RASSF7: variants seen among roughly 807,000 people sequenced by gnomAD.
RASSF7 encodes Ras association domain family member 7.
Under a neutral mutation model 33.8 loss-of-function variants are expected in RASSF7, and 41 were observed. That is an observed-to-expected ratio of 1.21 (90% CI 0.95 to 1.57). RASSF7 has a LOEUF of 1.57. Among genes scored for constraint, RASSF7 ranks in the 40% most tolerant of loss-of-function variants. The pLI, the probability that RASSF7 is intolerant of heterozygous loss-of-function variation, is 0.00. For synonymous variants in RASSF7, 298 were observed against 212.8 expected, an observed-to-expected ratio of 1.40 and a Z score of -3.48; for missense variants, 622 against 497.0, an observed-to-expected ratio of 1.25 and a Z score of -2.39.
In RASSF7 at chr11:563,990, C is replaced by T. The variant is rs1053306811; in HGVS notation, c.*345C>T. 1.4e-4 allele frequency: 52 copies of T among 372,886 alleles called. No homozygotes were observed. The highest frequency in any genetic ancestry group is 2.3e-4 in the Non-Finnish European group (48 of 205,480). The allele number at this position is 372,886 out of a possible 1,614,324, so 23.1% of individuals were successfully genotyped here. A position where few individuals can be genotyped will look rare whatever the true frequency, so the allele number is the denominator to read the frequency against. ...GTGTGTGCCACTTCCCCTACCCCAA[C>T]GTGAAAACCTCAATAAACTGCCCGA... On this transcript the variant is annotated 3_prime_UTR_variant, in exon 6 of 6. Coordinates refer to ENST00000397583, the MANE Select transcript of RASSF7 (RefSeq NM_003475.4).
intron 1 of RASSF7, 122 bp from the exon 2 acceptor site, chr11:561,640 G>A: frequency 6.8e-7 from 1 of 1,470,260 alleles, no homozygotes; most frequent in South Asian, 1.3e-5. Context: ...AGGAGGGTGG[G>A]GCCCGTGCGG....
In RASSF7 at chr11:563,590, C is replaced by T. The variant is rs374791179; in HGVS notation, c.1067C>T (p.Ala356Val). ...CATGACGCAGAACTCCTGGAGGTAG[C>T]AGCAGCTCCTGCCCCAGAGTGGTGT... The part of the protein sequence containing the change: ...GPHDAELLEV[A>V]AAPAPEWCPL... Residue 356 changes from alanine to valine, a missense_variant, in exon 6 of 6, where the codon GCA becomes GTA. Physicochemically the swap from Ala to Val is moderately conservative, Grantham distance 64. Transcript: ENST00000397583. 3.1e-6 allele frequency: 5 copies of T among 1,612,014 alleles called. No homozygotes were observed. Among genetic ancestry groups the T allele is most frequent in the Middle Eastern group, 1.7e-4 (1 of 6,024 alleles).
At position 561,817 on chromosome 11, in the gene RASSF7, A is replaced by G. The variant is rs1271105840; in HGVS notation, c.49A>G (p.Ile17Val). The G allele has an allele frequency of 1.9e-6, 3 of 1,613,244 alleles. No homozygotes were observed. The highest frequency in any genetic ancestry group is 2.5e-6 in the Non-Finnish European group (3 of 1,180,004). ...AMELKVWVDG[I>V]QRVVCGVSEQ... ...GGAGCTGAAGGTGTGGGTGGATGGC[A>G]TCCAGCGTGTGGTCTGTGGGGTCTC... Residue 17 changes from isoleucine to valine, a missense_variant, in exon 2 of 6, where the codon ATC becomes GTC. Physicochemically the swap from Ile to Val is conservative, Grantham distance 29. Coordinates refer to ENST00000397583, the MANE Select transcript of RASSF7 (RefSeq NM_003475.4).
At chr11:561,931 G>C in intron 2 of RASSF7, 39 bp downstream of exon 2, 1 of 1,610,382 alleles carries the variant, frequency 6.2e-7, no homozygotes, top group Non-Finnish European at 8.5e-7. Flanking sequence ...GGCAGGTAGA[G>C]CTGAAGTGGG....
rs778834546 is a variant in RASSF7 at position 563,685 on chromosome 11, CAGA to C, written c.*43_*45del. On this transcript the variant is annotated 3_prime_UTR_variant, in exon 6 of 6. Transcript: ENST00000397583. ...CTGCAAGACCATCCTGCCCGGACCA[CAGA>C]AGGAGAGTTGGCGGTCACAGAGGGC... 1.1e-4 allele frequency: 163 copies of C among 1,548,528 alleles called. No homozygotes were observed. The Middle Eastern group carries it at 1.2e-3, about 12-fold the overall frequency.
Position 561,891 on chromosome 11 carries a change from A to G in RASSF7, c.123A>G (p.Ile41Met). Residue 41 changes from isoleucine (I) to methionine (M), a missense_variant and splice_region_variant, in exon 2 of 6, where the codon ATA (isoleucine) becomes ATG (methionine). Ile to Met is a conservative substitution (Grantham distance 10). Transcript: ENST00000397583. ...TGGTCATCGCACTAGCCCAAGCAAT[A>G]GGTGAGTCCTCTCGGGGTCAGGCAG... Reference protein sequence around the residue: ...QEVVIALAQAIGQTGRFVLVQ... With the variant: ...QEVVIALAQAMGQTGRFVLVQ... 1 of 1,613,414 alleles carries G rather than the reference A, an allele frequency of 6.2e-7. No homozygotes were observed.
In RASSF7 at chr11:561,043, G is replaced by C. The variant is rs1853267246; in HGVS notation, c.-442G>C. On this transcript the variant is annotated 5_prime_UTR_variant, in exon 1 of 6. Coordinates refer to ENST00000397583, the MANE Select transcript of RASSF7 (RefSeq NM_003475.4). ...GCTGGCGAGCGCCCAGGTGAGCCGC[G>C]CCGGGTCCCCGGTACTTGGGAGCGC... 3.0e-6 allele frequency: 3 copies of C among 997,100 alleles called. No individual in the cohort carries two copies. The highest frequency in any genetic ancestry group is 3.5e-5 in the African/African-American group (2 of 57,564). The allele number at this position is 997,100 out of a possible 1,614,324, so 61.8% of individuals were successfully genotyped here.
Position 562,092 on chromosome 11 carries a change from C to G in RASSF7, c.138C>G (p.Arg46=). The G allele has an allele frequency of 6.6e-7, 1 of 1,522,510 alleles. No homozygotes were observed. The highest frequency in any genetic ancestry group is 8.8e-7 in the Non-Finnish European group (1 of 1,134,428). The allele number at this position is 1,522,510 out of a possible 1,614,324, so 94.3% of individuals were successfully genotyped here. The change falls in exon 3 of 6, where the codon CGC becomes CGG. Residue 46 remains arginine, a synonymous_variant. Coordinates refer to ENST00000397583, the MANE Select transcript of RASSF7 (RefSeq NM_003475.4). ...ALAQAIGQTG[R]FVLVQRLREK... ...TCTTCTTCCCAGGCCAGACTGGCCGCTTTGTGCTTGTGCAGCGGCTTCGGG... is the reference window on the plus strand; with the variant it reads ...TCTTCTTCCCAGGCCAGACTGGCCGGTTTGTGCTTGTGCAGCGGCTTCGGG...
In RASSF7 at chr11:563,791, C is replaced by T. The variant is rs1191472421; in HGVS notation, c.*146C>T. 1.8e-5 allele frequency: 13 copies of T among 741,172 alleles called. No homozygotes were observed. Among genetic ancestry groups the T allele is most frequent in the Non-Finnish European group, 2.6e-5 (12 of 464,642 alleles). The allele number at this position is 741,172 out of a possible 1,614,324, so 45.9% of individuals were successfully genotyped here. A position where few individuals can be genotyped will look rare whatever the true frequency, so the allele number is the denominator to read the frequency against. Reference sequence around the variant, plus strand: ...CAGTGGGGGACTGCCCTAGTCCTTGCCAGGTCGCCAGCACCCTGGAGAAGC... The same window carrying T: ...CAGTGGGGGACTGCCCTAGTCCTTGTCAGGTCGCCAGCACCCTGGAGAAGC... On this transcript the variant is annotated 3_prime_UTR_variant, in exon 6 of 6. Coordinates refer to ENST00000397583, the MANE Select transcript of RASSF7 (RefSeq NM_003475.4).
Position 563,721 on chromosome 11 carries a change from C to G in RASSF7, c.*76C>G. 1 of 1,356,246 alleles carries G rather than the reference C, an allele frequency of 7.4e-7. No individual in the cohort carries two copies. The highest frequency in any genetic ancestry group is 2.5e-5 in the East Asian group (1 of 40,390). 84.0% of individuals were successfully genotyped at this position (1,356,246 alleles called of 1,614,324 possible). On this transcript the variant is annotated 3_prime_UTR_variant, in exon 6 of 6. Transcript: ENST00000397583. ...TTGGCGGTCACAGAGGGCTCCTCTG[C>G]CAGGCAGTGGGAAGCCCTGGGTTTG...
chr11:563,341 C>G (rs762668199), intron 4 of RASSF7, 24 bp downstream of exon 4: 1 of 1,606,360 alleles, frequency 6.2e-7, no homozygotes, highest in South Asian at 1.1e-5. Context: ...TGGGGGGAGG[C>G]TGGGAGGTGA....
At position 562,460 on chromosome 11, in the gene RASSF7, T is replaced by G. The variant is rs779234205; in HGVS notation, c.506T>G (p.Leu169Arg). The change falls in exon 3 of 6, where the codon CTG becomes CGG. Residue 169 changes from leucine (L) to arginine (R), a missense_variant. Physicochemically the swap from Leu to Arg is moderately radical, Grantham distance 102 (BLOSUM62 -2). Coordinates refer to ENST00000397583, the MANE Select transcript of RASSF7 (RefSeq NM_003475.4). ...ELRVQRNAEE[L>R]GHEAFWEQEL... Reference sequence around the variant, plus strand: ...AGGGTGCAGAGGAATGCTGAGGAGCTGGGCCATGAGGCCTTCTGGGAGCAA... The same window carrying G: ...AGGGTGCAGAGGAATGCTGAGGAGCGGGGCCATGAGGCCTTCTGGGAGCAA... 1.3e-6 allele frequency: 2 copies of G among 1,550,726 alleles called. No homozygotes were observed. Among genetic ancestry groups the G allele is most frequent in the Middle Eastern group, 1.7e-4 (1 of 5,888 alleles).
At position 562,587 on chromosome 11, in the gene RASSF7, C is replaced by T. The variant is rs770582475; in HGVS notation, c.633C>T (p.Asp211=). The T allele has an allele frequency of 1.7e-5, 26 of 1,543,290 alleles. No individual in the cohort carries two copies. Among genetic ancestry groups the T allele is most frequent in the South Asian group, 2.4e-5 (2 of 83,900 alleles). Residue 211 remains aspartate (D), a synonymous_variant, in exon 3 of 6, where the codon GAC becomes GAT. Transcript: ENST00000397583. The part of the protein sequence containing the change: ...AEHAARLQAL[D]AQARALEAEL... ...ATGCCGCCCGGCTGCAGGCCCTGGA[C>T]GCTCAGGCCCGTGCCCTGGAGGCTG...
rs1853294116 is a variant in RASSF7 at position 561,412 on chromosome 11, G to T, written c.-73G>T. ...GGGGTGGGGCGTTCCCATGCCGGCG[G>T]CCGCGGGGCCTGGCGTGCGGGCGCC... On this transcript the variant is annotated 5_prime_UTR_variant, in exon 1 of 6. Coordinates refer to ENST00000397583, the MANE Select transcript of RASSF7 (RefSeq NM_003475.4). 1 of 1,129,892 alleles carries T rather than the reference G, an allele frequency of 8.9e-7. No homozygotes were observed. The allele number at this position is 1,129,892 out of a possible 1,614,324, so 70.0% of individuals were successfully genotyped here. A position where few individuals can be genotyped will look rare whatever the true frequency, so the allele number is the denominator to read the frequency against.
chr11:563,807 C>T lies in RASSF7; in HGVS notation c.*162C>T, dbSNP rs928752922. 2 of 679,142 alleles carry T rather than the reference C, an allele frequency of 2.9e-6. No homozygotes were observed. Among genetic ancestry groups the T allele is most frequent in the Non-Finnish European group, 2.4e-6 (1 of 409,336 alleles). 42.1% of individuals were successfully genotyped at this position (679,142 alleles called of 1,614,324 possible). ...TAGTCCTTGCCAGGTCGCCAGCACCCTGGAGAAGCATGGGGCGTAGCCAGC... is the reference window on the plus strand; with the variant it reads ...TAGTCCTTGCCAGGTCGCCAGCACCTTGGAGAAGCATGGGGCGTAGCCAGC... On this transcript the variant is annotated 3_prime_UTR_variant, in exon 6 of 6. Transcript: ENST00000397583.
At position 563,711 on chromosome 11, in the gene RASSF7, G is replaced by T; in HGVS notation, c.*66G>T. ...AGAAGGAGAGTTGGCGGTCACAGAGGGCTCCTCTGCCAGGCAGTGGGAAGC... is the reference window on the plus strand; with the variant it reads ...AGAAGGAGAGTTGGCGGTCACAGAGTGCTCCTCTGCCAGGCAGTGGGAAGC... On this transcript the variant is annotated 3_prime_UTR_variant, in exon 6 of 6. Transcript: ENST00000397583. 2 of 1,431,240 alleles carry T rather than the reference G, an allele frequency of 1.4e-6. No individual in the cohort carries two copies. Among genetic ancestry groups the T allele is most frequent in the Non-Finnish European group, 1.9e-6 (2 of 1,052,696 alleles). The allele number at this position is 1,431,240 out of a possible 1,614,324, so 88.7% of individuals were successfully genotyped here. A position where few individuals can be genotyped will look rare whatever the true frequency, so the allele number is the denominator to read the frequency against.
Position 561,364 on chromosome 11 carries a change from C to G in RASSF7, c.-121C>G, listed in dbSNP as rs568269816. On this transcript the variant is annotated 5_prime_UTR_variant, in exon 1 of 6. Transcript: ENST00000397583. ...TCGAGGTCTGGGTTGCGACCCCGAG[C>G]GCCTCTGCGGCCTGAGCAGGTCGGG... The G allele has an allele frequency of 1.1e-5, 11 of 1,030,728 alleles. No individual in the cohort carries two copies. The highest frequency in any genetic ancestry group is 1.3e-5 in the Non-Finnish European group (11 of 860,096). 63.8% of individuals were successfully genotyped at this position (1,030,728 alleles called of 1,614,324 possible). A position where few individuals can be genotyped will look rare whatever the true frequency, so the allele number is the denominator to read the frequency against.
intron 3 of RASSF7, 117 bp downstream of exon 3, chr11:562,893 C>T (rs535906966): frequency 1.1e-6 from 1 of 908,168 alleles, no homozygotes; most frequent in East Asian, 2.7e-5. Context: ...CCCTGTCACT[C>T]CCCCACCCCT....
At position 562,075 on chromosome 11, in the gene RASSF7, C is replaced by T; in HGVS notation, c.125-4C>T. The T allele has an allele frequency of 1.3e-6, 2 of 1,508,816 alleles. No individual in the cohort carries two copies. The highest frequency in any genetic ancestry group is 1.8e-6 in the Non-Finnish European group (2 of 1,126,800). The allele number at this position is 1,508,816 out of a possible 1,614,324, so 93.5% of individuals were successfully genotyped here. A position where few individuals can be genotyped will look rare whatever the true frequency, so the allele number is the denominator to read the frequency against. ...ATAGGCTGACCTTCTCCTCTTCTTC[C>T]CAGGCCAGACTGGCCGCTTTGTGCT... On this transcript the variant is annotated splice_polypyrimidine_tract_variant and splice_region_variant and intron_variant, in intron 2 of 5. Transcript: ENST00000397583.
Sources: gnomAD v4.1 joint callset for allele counts on GRCh38, gnomAD v4.1.1 for gene constraint, MANE v1.5 for transcripts, NCBI Gene and HGNC (gene_info 2026-07-23, HGNC 2026-07-21) for gene names.